RNF144B: variants seen among roughly 807,000 people sequenced by gnomAD.
RNF144B encodes the protein ring finger protein 144B, also known as E3 ubiquitin-protein ligase RNF144B.
RNF144B carries 25 observed loss-of-function variants against 40.2 expected under a neutral mutation model. The observed-to-expected ratio is 0.62, with a 90% confidence interval of 0.45 to 0.87. RNF144B has a LOEUF of 0.87. Among genes scored for constraint, RNF144B ranks in the 40% least tolerant of loss-of-function variants. The pLI, the probability that RNF144B is intolerant of heterozygous loss-of-function variation, is 0.00. For missense variants in RNF144B, 365 were observed against 373.7 expected (o/e 0.98, Z 0.19); for synonymous variants, 145 against 136.3 (o/e 1.06, Z -0.44).
intron 4 of RNF144B, among the ~76,000 whole-genome samples, chr6:18,452,504 G>A (rs191017147): frequency 9.0e-4 from 137 of 152,248 alleles, no homozygotes; most frequent in African/African-American, 3.2e-3. Flanking sequence ...AAATTTGAAT[G>A]TGTTTCAGTA....
rs9465138 is a variant in RNF144B at position 18,398,732 on chromosome 6, G to T, written c.-36-767G>T. Reference sequence around the variant, plus strand: ...GATGGACACTTGGGTTGCCTCCACTGTTTGGCTATTGTGAATAATGTTGCT... The same window carrying T: ...GATGGACACTTGGGTTGCCTCCACTTTTTGGCTATTGTGAATAATGTTGCT... On this transcript the variant is annotated intron_variant, in intron 1 of 7. Coordinates refer to ENST00000259939, the MANE Select transcript of RNF144B (RefSeq NM_182757.4). This position sits in a 1 kb window ranked among gnomAD's most constrained non-coding sequence, Gnocchi z 5.0. Among the ~76,000 whole-genome samples the T allele has an allele frequency of 0.047, 7,140 of 152,178 alleles. 301 individuals carry two copies. The highest frequency in any genetic ancestry group is 0.11 in the African/African-American group (4,613 of 41,506).
Position 18,457,122 on chromosome 6 carries a change from C to G in RNF144B, c.332-33C>G, listed in dbSNP as rs772654696. The stretch of plus-strand genomic sequence containing the variant: ...GAGAAAGACTCAAACATGAATCGGG[C>G]AGACCATCACATTTTCTTTCTTTAC... On this transcript the variant is annotated intron_variant, in intron 4 of 7. Transcript: ENST00000259939. This position sits in a 1 kb window ranked among gnomAD's most constrained non-coding sequence, Gnocchi z 5.1. 97 of 1,482,810 alleles carry G rather than the reference C, an allele frequency of 6.5e-5. No homozygotes were observed. Among genetic ancestry groups the G allele is most frequent in the Non-Finnish European group, 9.0e-5 (96 of 1,061,804 alleles). The allele number at this position is 1,482,810 out of a possible 1,614,324, so 91.9% of individuals were successfully genotyped here.
rs1794729746 is a variant in RNF144B, at chr6:18,398,229, A to G, written c.-36-1270A>G. Among the ~76,000 whole-genome samples the G allele has an allele frequency of 6.6e-6, 1 of 152,170 alleles. No individual in the cohort carries two copies. Among genetic ancestry groups the G allele is most frequent in the Non-Finnish European group, 1.5e-5 (1 of 68,020 alleles). On this transcript the variant is annotated intron_variant, in intron 1 of 7. Coordinates refer to ENST00000259939, the MANE Select transcript of RNF144B (RefSeq NM_182757.4). The surrounding 1 kb of genome is among the most constrained non-coding windows in gnomAD (Gnocchi z 5.0). ...TACTCTAGGTACCTCATTTAAGTGG[A>G]ATCATACAATATTTGATTTTCTGTC...
intron 4 of RNF144B, among the ~76,000 whole-genome samples, chr6:18,445,872 G>A (rs1759069783): frequency 6.6e-6 from 1 of 152,206 alleles, no homozygotes; most frequent in Non-Finnish European, 1.5e-5. Flanking sequence ...TGTGCATTTT[G>A]TATATCTGTA....
chr6:18,445,827 AG>A (rs1354778347), intron 4 of RNF144B, among the ~76,000 whole-genome samples: 1 of 152,214 alleles, frequency 6.6e-6, no homozygotes, highest in African/African-American at 2.4e-5. Flanking sequence ...AGAAATTTGA[AG>A]GGAGGGCAAC....
rs369870705 is a variant in RNF144B at position 18,438,565 on chromosome 6, C to T, written c.271-1119C>T. Among the ~76,000 whole-genome samples the T allele has an allele frequency of 1.3e-3, 203 of 152,038 alleles. 1 individual carries two copies. Among genetic ancestry groups the T allele is most frequent in the African/African-American group, 3.8e-3 (156 of 41,460 alleles). On this transcript the variant is annotated intron_variant, in intron 3 of 7. Coordinates refer to ENST00000259939, the MANE Select transcript of RNF144B (RefSeq NM_182757.4). The stretch of plus-strand genomic sequence containing the variant: ...ATTTTAGCTAATTTAGATTCATTTG[C>T]GAAATAAACAACTTGAGATTATTTA...
chr6:18,422,012 G>A lies in RNF144B; in HGVS notation c.166-5569G>A, dbSNP rs956623917. Among the ~76,000 whole-genome samples, 1 of 152,132 alleles carries A rather than the reference G, an allele frequency of 6.6e-6. No homozygotes were observed. The highest frequency in any genetic ancestry group is 1.5e-5 in the Non-Finnish European group (1 of 68,030). ...TATGGTTGGCCAACACCTACAAGGG[G>A]GAGGTTGGTCACCTAAGTAATCTCA... is the stretch of plus-strand genomic sequence containing the variant. On this transcript the variant is annotated intron_variant, in intron 2 of 7. Coordinates refer to ENST00000259939, the MANE Select transcript of RNF144B (RefSeq NM_182757.4). The surrounding 1 kb of genome is among the most constrained non-coding windows in gnomAD (Gnocchi z 4.7).
chr6:18,457,927 C>T lies in RNF144B; in HGVS notation c.536+568C>T, dbSNP rs371649634. 3.7e-4 allele frequency among the ~76,000 whole-genome samples: 56 copies of T among 151,178 alleles called. No homozygotes were observed. The highest frequency in any genetic ancestry group is 1.3e-3 in the African/African-American group (53 of 40,832). ...TTAAATCTGTACCTTTTTAGTACAG[C>T]GGGTTTTTTTTTGTTTTGTTTTGTT... is the stretch of plus-strand genomic sequence containing the variant. On this transcript the variant is annotated intron_variant, in intron 5 of 7. Coordinates refer to ENST00000259939, the MANE Select transcript of RNF144B (RefSeq NM_182757.4). This position sits in a 1 kb window ranked among gnomAD's most constrained non-coding sequence, Gnocchi z 5.1.
chr6:18,457,753 T>C lies in RNF144B; in HGVS notation c.536+394T>C, dbSNP rs1413804455. On this transcript the variant is annotated intron_variant, in intron 5 of 7. Transcript: ENST00000259939. This position sits in a 1 kb window ranked among gnomAD's most constrained non-coding sequence, Gnocchi z 5.1. ...AAAGAAATTTTCTTACCTGACTAAA[T>C]TGCCAGCTCATGATGTGTGACAGTC... Among the ~76,000 whole-genome samples, 1 of 152,102 alleles carries C rather than the reference T, an allele frequency of 6.6e-6. No individual in the cohort carries two copies. Among genetic ancestry groups the C allele is most frequent in the Non-Finnish European group, 1.5e-5 (1 of 68,018 alleles).
intron 3 of RNF144B, among the ~76,000 whole-genome samples, chr6:18,428,513 C>T (rs542560813): frequency 4.6e-5 from 7 of 152,020 alleles, no homozygotes; most frequent in African/African-American, 9.6e-5. Context: ...CATATCCCCT[C>T]GTTTGTTCAA....
In RNF144B at chr6:18,395,051, T is replaced by C. The variant is rs1794666922; in HGVS notation, c.-36-4448T>C. On this transcript the variant is annotated intron_variant, in intron 1 of 7. Transcript: ENST00000259939. This position sits in a 1 kb window ranked among gnomAD's most constrained non-coding sequence, Gnocchi z 4.5. ...TCAGATTTCAAGGTGCCCCTTGCAT[T>C]CTCTGCCAAAATTCTTTTCACAAGG... 6.6e-6 allele frequency among the ~76,000 whole-genome samples: 1 copy of C among 152,216 alleles called. No homozygotes were observed. Among genetic ancestry groups the C allele is most frequent in the East Asian group, 1.9e-4 (1 of 5,200 alleles).
At chr6:18,438,923 T>A (rs1428777295) in intron 3 of RNF144B, among the ~76,000 whole-genome samples, 4 of 152,192 alleles carry the variant, frequency 2.6e-5, no homozygotes, top group Non-Finnish European at 5.9e-5. Context: ...ATATTTACAT[T>A]TGACATCAAT....
At chr6:18,394,472 C>T (rs1381396646) in intron 1 of RNF144B, among the ~76,000 whole-genome samples, 1 of 151,970 alleles carries the variant, frequency 6.6e-6, no homozygotes, top group Non-Finnish European at 1.5e-5. Flanking sequence ...GTGGTGGGCA[C>T]CTGAAATCCC....
At chr6:18,463,834 A>G (rs1223638331) in intron 7 of RNF144B, among the ~76,000 whole-genome samples, 1 of 152,208 alleles carries the variant, frequency 6.6e-6, no homozygotes, top group Non-Finnish European at 1.5e-5. Context: ...CCTCACAATC[A>G]TGGCAGAAGG....
chr6:18,390,341 G>A (rs974978230), intron 1 of RNF144B, among the ~76,000 whole-genome samples: 1 of 152,120 alleles, frequency 6.6e-6, no homozygotes, highest in Non-Finnish European at 1.5e-5. Context: ...TTTGGCATTT[G>A]CTATTTACCC....
chr6:18,403,781 C>T (rs527409353), intron 2 of RNF144B, among the ~76,000 whole-genome samples: 12 of 152,198 alleles, frequency 7.9e-5, no homozygotes, highest in East Asian at 3.9e-4. Flanking sequence ...TAGAGAAGCA[C>T]GGTGCTGACA....
At chr6:18,389,324 C>G (rs1794535698) in intron 1 of RNF144B, among the ~76,000 whole-genome samples, 1 of 152,120 alleles carries the variant, frequency 6.6e-6, no homozygotes, top group Non-Finnish European at 1.5e-5. Flanking sequence ...TGGAGCCAAA[C>G]TCTACAGCAG....
chr6:18,463,469 C>A lies in RNF144B; in HGVS notation c.771+89C>A, dbSNP rs1759512743. 7.5e-6 allele frequency: 6 copies of A among 794,992 alleles called. No individual in the cohort carries two copies. The East Asian group carries it at 1.0e-4, about 14-fold the overall frequency. The allele number at this position is 794,992 out of a possible 1,614,324, so 49.2% of individuals were successfully genotyped here. A position where few individuals can be genotyped will look rare whatever the true frequency, so the allele number is the denominator to read the frequency against. ...CTTCGCCTTTCCTCATTATTCCCTC[C>A]TGGGAGGTACCATCCCAGCCTGGGA... On this transcript the variant is annotated intron_variant, in intron 7 of 7. Transcript: ENST00000259939.
At chr6:18,463,056 C>CT (rs58336867) in intron 6 of RNF144B, among the ~76,000 whole-genome samples, 44,258 of 150,706 alleles carry the variant, frequency 0.29, 7,557 homozygotes, top group East Asian at 0.5. Flanking sequence ...CATTACTACT[C>CT]TTTTTTTTTC....
Sources: gnomAD v4.1 joint callset for allele counts (sites outside exome capture counted in the v4.1 genomes callset) on GRCh38, gnomAD v4.1.1 for gene constraint, Gnocchi (gnomAD v3.1) non-coding constraint, MANE v1.5 for transcripts, NCBI Gene and HGNC (gene_info 2026-07-23, HGNC 2026-07-21) for gene names.